PCDH15: variants seen among roughly 807,000 people sequenced by gnomAD.
PCDH15 encodes protocadherin-15.
A neutral mutation model predicts 178.5 loss-of-function variants in PCDH15; 129 were observed. The ratio of observed to expected loss-of-function variants is 0.72; its 90% confidence interval spans 0.63 to 0.84. The LOEUF is 0.84. Ranked by LOEUF, PCDH15 falls within the 40% of genes least tolerant of loss-of-function variation. The pLI, the probability that PCDH15 is intolerant of heterozygous loss-of-function variation, is 0.00. For missense variants in PCDH15, 2,230 were observed against 2,099.9 expected (o/e 1.06, Z -1.21); for synonymous variants, 800 against 732.0 (o/e 1.09, Z -1.50).
rs2076761242 is a variant in PCDH15 at position 53,827,482 on chromosome 10, C to A, written c.4278G>T (p.Val1426=). 3 of 1,614,094 alleles carry A rather than the reference C, an allele frequency of 1.9e-6. No individual in the cohort carries two copies. Among genetic ancestry groups the A allele is most frequent in the Non-Finnish European group, 1.7e-6 (2 of 1,179,944 alleles). The change falls in exon 32 of 38, where the codon GTG becomes GTT. Residue 1426 remains valine (V), a synonymous_variant. Transcript: ENST00000644397. ...GCGCTGCCACTGGTGCAGGAGCCGG[C>A]ACTGCTGGTTTAGCCGCGGGTAATG... ...QAALPAAKPA[V]PAPAPVAAPP... is the part of the protein sequence containing the mutation.
intron 2 of PCDH15, among the ~76,000 whole-genome samples, chr10:55,434,580 T>A (rs1838987785): frequency 6.6e-6 from 1 of 150,930 alleles, no homozygotes; most frequent in African/African-American, 2.4e-5. Context: ...AAAAGCATAT[T>A]TAATTATTCA....
At position 54,380,643 on chromosome 10, in the gene PCDH15, G is replaced by GTATATATATATATATATATACATA. The variant is rs1949060633; in HGVS notation, c.158-1702_158-1701insTATGTATATATATATATATATATA. ...AAATCTTCTGATTGTGTGTATGCAT[G>GTATATATATATATATATATACATA]TATATATATATATATATATATATAT... On this transcript the variant is annotated intron_variant, in intron 3 of 37. Transcript: ENST00000644397. Among the ~76,000 whole-genome samples, 2 of 15,294 alleles carry GTATATATATATATATATATACATA rather than the reference G, an allele frequency of 1.3e-4. 1 individual carries two copies. Among genetic ancestry groups the GTATATATATATATATATATACATA allele is most frequent in the African/African-American group, 4.2e-4 (2 of 4,750 alleles). The allele number at this position is 15,294 out of a possible 152,430, so 10.0% of individuals were successfully genotyped here.
At chr10:55,078,272 G>C (rs1841958540) in intron 2 of PCDH15, among the ~76,000 whole-genome samples, 1 of 152,086 alleles carries the variant, frequency 6.6e-6, no homozygotes, top group Non-Finnish European at 1.5e-5. Context: ...ACTTTTGAGA[G>C]ATTGACTATA....
chr10:53,868,564 A>G (rs2079612073), intron 26 of PCDH15, among the ~76,000 whole-genome samples: 1 of 151,948 alleles, frequency 6.6e-6, no homozygotes, highest in Non-Finnish European at 1.5e-5. Flanking sequence ...TTTCAATTCA[A>G]TCTAATTTTA....
In PCDH15 at chr10:55,218,504, C is replaced by T. The variant is rs187024342; in HGVS notation, c.-155-51853G>A. ...CAGCTCTTGCCTTTGGTCTGGAGAA[C>T]ATCCTTCCCTGACTCAGCCTAGTAG... is the stretch of plus-strand genomic sequence containing the variant. On this transcript the variant is annotated intron_variant, in intron 1 of 5. Transcript: ENST00000458638. Among the ~76,000 whole-genome samples, 132 of 152,124 alleles carry T rather than the reference C, an allele frequency of 8.7e-4. 2 individuals carry two copies. The highest frequency in any genetic ancestry group is 2.9e-3 in the African/African-American group (119 of 41,480).
At chr10:55,342,808 G>T (rs1844641321) in intron 2 of PCDH15, among the ~76,000 whole-genome samples, 1 of 152,126 alleles carries the variant, frequency 6.6e-6, no homozygotes, top group African/African-American at 2.4e-5. Context: ...CACATTTCTG[G>T]AGACTAGAGA....
intron 1 of PCDH15, among the ~76,000 whole-genome samples, chr10:54,747,334 CT>C (rs1236348181): frequency 6.6e-6 from 1 of 152,132 alleles, no homozygotes; most frequent in Non-Finnish European, 1.5e-5. Flanking sequence ...TTTCTCTATG[CT>C]TTCCTACAAA....
chr10:54,827,456 G>T (rs1953150917), intron 3 of PCDH15, among the ~76,000 whole-genome samples: 1 of 151,952 alleles, frequency 6.6e-6, no homozygotes, highest in African/African-American at 2.4e-5. Context: ...CTGAGCCTTG[G>T]TCTTAAAAGT....
chr10:54,085,181 T>A (rs558192223), intron 16 of PCDH15, among the ~76,000 whole-genome samples: 1 of 152,024 alleles, frequency 6.6e-6, no homozygotes. Flanking sequence ...TAATTTTCAA[T>A]ATAATCATAA....
intron 8 of PCDH15, among the ~76,000 whole-genome samples, chr10:54,261,697 A>AAATATT (rs10668331): frequency 0.68 from 103,301 of 150,998 alleles, 36,293 homozygotes; most frequent in Middle Eastern, 0.76. Context: ...TTTATAATAT[A>AAATATT]AAGAATTGAA....
intron 3 of PCDH15, among the ~76,000 whole-genome samples, chr10:54,861,502 G>A (rs1028172833): frequency 1.3e-5 from 2 of 152,008 alleles, no homozygotes; most frequent in Non-Finnish European, 2.9e-5. Flanking sequence ...AAAGACACAG[G>A]ACCAGATGGA....
chr10:55,416,008 C>T (rs1838473503), intron 2 of PCDH15, among the ~76,000 whole-genome samples: 1 of 150,650 alleles, frequency 6.6e-6, no homozygotes, highest in South Asian at 2.1e-4. Flanking sequence ...TTGGGAAAAC[C>T]CACACTGTTA....
At chr10:54,921,363 G>A (rs1382700560) in intron 2 of PCDH15, among the ~76,000 whole-genome samples, 1 of 151,844 alleles carries the variant, frequency 6.6e-6, no homozygotes, top group African/African-American at 2.4e-5. Flanking sequence ...AGGGGTACAT[G>A]TGAAGGTTTG....
At chr10:54,141,123 A>G (rs1044299198) in intron 14 of PCDH15, among the ~76,000 whole-genome samples, 20 of 151,282 alleles carry the variant, frequency 1.3e-4, no homozygotes, top group African/African-American at 4.8e-4. Flanking sequence ...TATATAATAT[A>G]TAAAACTATT....
At chr10:54,848,514 C>T (rs1256633238) in intron 3 of PCDH15, among the ~76,000 whole-genome samples, 1 of 151,952 alleles carries the variant, frequency 6.6e-6, no homozygotes, top group Non-Finnish European at 1.5e-5. Flanking sequence ...AAGTGATATG[C>T]TGCACTGCCT....
intron 13 of PCDH15, among the ~76,000 whole-genome samples, chr10:54,175,947 T>C (rs2047389074): frequency 6.6e-6 from 1 of 152,108 alleles, no homozygotes; most frequent in African/African-American, 2.4e-5. Context: ...TATGAATAAT[T>C]ACCTATGATA....
At chr10:54,323,724 G>A (rs2061752187) in intron 7 of PCDH15, among the ~76,000 whole-genome samples, 1 of 152,028 alleles carries the variant, frequency 6.6e-6, no homozygotes, top group Non-Finnish European at 1.5e-5. Context: ...GGCAAGGAGA[G>A]AGAATGGATC....
At chr10:54,279,876 G>C (rs2058573634) in intron 8 of PCDH15, among the ~76,000 whole-genome samples, 1 of 151,704 alleles carries the variant, frequency 6.6e-6, no homozygotes, top group South Asian at 2.1e-4. Context: ...AAAGGCAGGA[G>C]AAAAAATAAA....
chr10:55,062,633 C>T (rs573940696), intron 2 of PCDH15, among the ~76,000 whole-genome samples: 2 of 152,206 alleles, frequency 1.3e-5, no homozygotes, highest in African/African-American at 2.4e-5. Context: ...GGTAGTGAAA[C>T]TATTCTGTAT....
Sources: gnomAD v4.1 joint callset for allele counts (sites outside exome capture counted in the v4.1 genomes callset) on GRCh38, gnomAD v4.1.1 for gene constraint, MANE v1.5 for transcripts, NCBI Gene and HGNC (gene_info 2026-07-23, HGNC 2026-07-21) for gene names.